Variants in CDH4 observed in about 807,000 individuals in gnomAD.
CDH4 encodes cadherin-4.
Under a neutral mutation model 86.0 loss-of-function variants are expected in CDH4, and 33 were observed. That is an observed-to-expected ratio of 0.38 (90% CI 0.29 to 0.51). CDH4 has a LOEUF of 0.51. Among genes scored for constraint, CDH4 ranks in the 20% least tolerant of loss-of-function variants. The probability of loss-of-function intolerance (pLI) is 0.86; values close to 1 mark genes in which losing one functional copy is unlikely to be tolerated. For synonymous variants in CDH4, 555 were observed against 549.4 expected (o/e 1.01, Z -0.14); for missense variants, 1,114 against 1,307.4 (o/e 0.85, Z 2.28).
intron 2 of CDH4, among the ~76,000 whole-genome samples, chr20:61,540,371 G>A (rs1158798573): frequency 6.6e-6 from 1 of 152,126 alleles, no homozygotes; most frequent in African/African-American, 2.4e-5. Flanking sequence ...TGTTCATGAC[G>A]GCACCGGAAG....
chr20:61,400,710 C>G (rs1335469949), intron 2 of CDH4, among the ~76,000 whole-genome samples: 2 of 152,156 alleles, frequency 1.3e-5, no homozygotes, highest in Non-Finnish European at 2.9e-5. Context: ...ATGCGAGAAG[C>G]TTCTCTGGGT....
chr20:61,747,648 A>G (rs573772187), intron 3 of CDH4, among the ~76,000 whole-genome samples: 1 of 152,246 alleles, frequency 6.6e-6, no homozygotes, highest in Non-Finnish European at 1.5e-5. Flanking sequence ...CTCAATGGAT[A>G]CATATATCTG....
intron 11 of CDH4, among the ~76,000 whole-genome samples, chr20:61,926,293 G>A (rs529486908): frequency 1.1e-4 from 16 of 152,328 alleles, no homozygotes; most frequent in African/African-American, 2.6e-4. Flanking sequence ...GCCCTGAGGC[G>A]GGGCTGTGTC....
chr20:61,783,839 C>A (rs1201077829), intron 4 of CDH4, among the ~76,000 whole-genome samples: 1 of 59,918 alleles, frequency 1.7e-5, no homozygotes, highest in Non-Finnish European at 3.2e-5. Context: ...TTCCTCGGGA[C>A]AGTTCTCAAG....
chr20:61,697,187 G>T (rs1200464064), intron 2 of CDH4, among the ~76,000 whole-genome samples: 1 of 152,178 alleles, frequency 6.6e-6, no homozygotes, highest in Non-Finnish European at 1.5e-5. Context: ...GGGTTCCTGG[G>T]GCCTGAGAAT....
At chr20:61,566,493 T>G (rs990014215) in intron 2 of CDH4, among the ~76,000 whole-genome samples, 2 of 152,234 alleles carry the variant, frequency 1.3e-5, no homozygotes, top group Non-Finnish European at 2.9e-5. Context: ...CTCATTTTTA[T>G]TAACCCTATT....
chr20:61,343,799 G>T (rs1334530793), intron 2 of CDH4, among the ~76,000 whole-genome samples: 1 of 152,212 alleles, frequency 6.6e-6, no homozygotes, highest in Non-Finnish European at 1.5e-5. Context: ...ATGATTTTAG[G>T]CTCGAAGCCC....
chr20:61,829,039 G>A lies in CDH4; in HGVS notation c.577-15629G>A, dbSNP rs183795946. On this transcript the variant is annotated intron_variant, in intron 4 of 15. Transcript: ENST00000614565. The surrounding 1 kb of genome is among the most constrained non-coding windows in gnomAD (Gnocchi z 4.2). ...TGCCACCACTGACATCATGGGAGGCGGAGCACTGGAGGCTCTGGCAGTCAT... is the reference window on the plus strand; with the variant it reads ...TGCCACCACTGACATCATGGGAGGCAGAGCACTGGAGGCTCTGGCAGTCAT... 7.9e-5 allele frequency among the ~76,000 whole-genome samples: 12 copies of A among 152,302 alleles called. No homozygotes were observed. The highest frequency in any genetic ancestry group is 5.8e-4 in the East Asian group (3 of 5,180).
chr20:61,473,428 A>G (rs1165059636), intron 2 of CDH4, among the ~76,000 whole-genome samples: 1 of 152,160 alleles, frequency 6.6e-6, no homozygotes, highest in Non-Finnish European at 1.5e-5. Flanking sequence ...AGCTGTGGCT[A>G]GAGAGCTTAC....
intron 4 of CDH4, among the ~76,000 whole-genome samples, chr20:61,842,617 G>C (rs1054745488): frequency 4.6e-5 from 7 of 152,128 alleles, no homozygotes; most frequent in Non-Finnish European, 7.4e-5. Context: ...AGAAGAAAAC[G>C]CTTTAAAACA....
At chr20:61,666,482 A>G (rs1286345683) in intron 2 of CDH4, among the ~76,000 whole-genome samples, 1 of 152,206 alleles carries the variant, frequency 6.6e-6, no homozygotes, top group Non-Finnish European at 1.5e-5. Context: ...GAAAACAGCC[A>G]TGGGCTCAGG....
chr20:61,639,513 A>G (rs1462067602), intron 2 of CDH4, among the ~76,000 whole-genome samples: 1 of 152,234 alleles, frequency 6.6e-6, no homozygotes, highest in Non-Finnish European at 1.5e-5. Flanking sequence ...CATTTACGAT[A>G]TTAATTTCTC....
At chr20:61,670,548 A>C (rs1329433207) in intron 2 of CDH4, among the ~76,000 whole-genome samples, 1 of 152,178 alleles carries the variant, frequency 6.6e-6, no homozygotes, top group Non-Finnish European at 1.5e-5. Context: ...CGAATACTGG[A>C]GGTACCATTG....
chr20:61,398,101 A>G (rs1370467431), intron 2 of CDH4, among the ~76,000 whole-genome samples: 2 of 152,220 alleles, frequency 1.3e-5, no homozygotes, highest in Admixed American at 1.3e-4. Context: ...TCATTTGCAG[A>G]CAGAGACTTG....
Position 61,254,992 on chromosome 20 carries a change from G to A in CDH4, c.169+55G>A, listed in dbSNP as rs1008338837. 4 of 1,012,138 alleles carry A rather than the reference G, an allele frequency of 4.0e-6. No individual in the cohort carries two copies. The African/African-American group carries it at 6.3e-5, about 16-fold the overall frequency. 62.7% of individuals were successfully genotyped at this position (1,012,138 alleles called of 1,614,324 possible). The stretch of plus-strand genomic sequence containing the variant: ...AATTGCTGCCATGCTTTTCCTTGGG[G>A]AAACATGTAGATGGGAGAGGCAAGG... On this transcript the variant is annotated intron_variant, in intron 2 of 15. Transcript: ENST00000614565.
At position 61,480,330 on chromosome 20, in the gene CDH4, C is replaced by T; in HGVS notation, c.169+225393C>T. On this transcript the variant is annotated intron_variant, in intron 2 of 15. Transcript: ENST00000614565. This position sits in a 1 kb window ranked among gnomAD's most constrained non-coding sequence, Gnocchi z 5.2. ...CTGTGTCCTCTGCTTGGGCCACTGC[C>T]CTGTGCCACTGCCTCAGCACCATTG... Among the ~76,000 whole-genome samples the T allele has an allele frequency of 6.6e-6, 1 of 152,274 alleles. No individual in the cohort carries two copies. The highest frequency in any genetic ancestry group is 2.1e-4 in the South Asian group (1 of 4,802).
chr20:61,529,008 G>A (rs192378031), intron 2 of CDH4, among the ~76,000 whole-genome samples: 153 of 152,252 alleles, frequency 1.0e-3, no homozygotes, highest in African/African-American at 3.5e-3. Context: ...TGAAATGTTC[G>A]GTTTTCAGTC....
chr20:61,834,264 GC>G (rs898376422), intron 4 of CDH4, among the ~76,000 whole-genome samples: 6 of 152,150 alleles, frequency 3.9e-5, no homozygotes, highest in Non-Finnish European at 7.4e-5. Flanking sequence ...GCTGCCCCTT[GC>G]CCCCCCTCAC....
chr20:61,262,037 G>A lies in CDH4; in HGVS notation c.169+7100G>A, dbSNP rs565568588. Among the ~76,000 whole-genome samples the A allele has an allele frequency of 1.5e-3, 225 of 152,374 alleles. 1 individual carries two copies. Among genetic ancestry groups the A allele is most frequent in the Non-Finnish European group, 2.6e-3 (175 of 68,036 alleles). On this transcript the variant is annotated intron_variant, in intron 2 of 15. Coordinates refer to ENST00000614565, the MANE Select transcript of CDH4 (RefSeq NM_001794.5). Reference sequence around the variant, plus strand: ...CCGGGCAGAGAGGGAGCAGAGAGAAGAGTCCGGCTGGTCCTGGAAGCCCTG... The same window carrying A: ...CCGGGCAGAGAGGGAGCAGAGAGAAAAGTCCGGCTGGTCCTGGAAGCCCTG...
Sources: allele counts gnomAD v4.1 joint callset (sites outside exome capture counted in the v4.1 genomes callset), GRCh38; gene constraint gnomAD v4.1.1; non-coding constraint Gnocchi (gnomAD v3.1); transcripts MANE v1.5; gene names NCBI Gene and HGNC (gene_info 2026-07-23, HGNC 2026-07-21).